Variants in NDUFB7 observed in about 807,000 individuals in gnomAD.
NDUFB7 encodes the protein NADH dehydrogenase [ubiquinone] 1 beta subcomplex subunit 7.
NDUFB7 carries 18 observed loss-of-function variants against 14.7 expected under a neutral mutation model. The ratio of observed to expected loss-of-function variants is 1.22; its 90% CI spans 0.85 to 1.81. The LOEUF (loss-of-function observed/expected upper bound fraction) is 1.81. Among genes scored for constraint, NDUFB7 ranks in the 40% most tolerant of loss-of-function variants. NDUFB7 has a pLI of 0.00. For missense variants in NDUFB7, 219 were observed against 195.0 expected (o/e 1.12, Z -0.73); for synonymous variants, 86 against 76.1 (o/e 1.13, Z -0.68).
At chr19:14,571,762 T>A (rs1299474065) in intron 1 of NDUFB7, 127 bp downstream of exon 1, 4 of 876,632 alleles carry the variant, frequency 4.6e-6, no homozygotes, top group Non-Finnish European at 7.1e-6. Flanking sequence ...GGACTCCTAG[T>A]CTAGACCCAA....
At chr19:14,571,269 C>T (rs967515855) in intron 1 of NDUFB7, among the ~76,000 whole-genome samples, 1 of 152,168 alleles carries the variant, frequency 6.6e-6, no homozygotes, top group African/African-American at 2.4e-5. Context: ...ATGAACGTGT[C>T]CCTGCCCTCC....
intron 2 of NDUFB7, 34 bp downstream of exon 2, chr19:14,566,731 C>T (rs745394310): frequency 2.3e-5 from 35 of 1,510,018 alleles, no homozygotes; most frequent in Middle Eastern, 4.7e-4. Flanking sequence ...GTGTTGCGGG[C>T]CGGGGTGTTG....
rs1196908129 is a variant in NDUFB7, at chr19:14,571,958, C to T, written c.43G>A (p.Val15Met). 3.7e-6 allele frequency: 6 copies of T among 1,611,024 alleles called. No individual in the cohort carries two copies. Among genetic ancestry groups the T allele is most frequent in the Non-Finnish European group, 4.2e-6 (5 of 1,179,108 alleles). Residue 15 changes from valine (V) to methionine (M), a missense_variant, in exon 1 of 3, where the codon GTG becomes ATG. Coordinates refer to ENST00000215565, the MANE Select transcript of NDUFB7 (RefSeq NM_004146.6). ...LVRRYLGDAS[V>M]EPDPLQMPTF... is the part of the protein sequence containing the mutation. ...GGCATCTGCAGGGGGTCGGGCTCCA[C>T]CGAGGCATCGCCCAGGTAGCGCCGG...
chr19:14,568,402 C>T (rs965718304), intron 1 of NDUFB7, among the ~76,000 whole-genome samples: 1 of 152,186 alleles, frequency 6.6e-6, no homozygotes, highest in African/African-American at 2.4e-5. Flanking sequence ...GTGGTCCCTC[C>T]ACCCCACACC....
At chr19:14,569,384 C>CT (rs1568437713) in intron 1 of NDUFB7, among the ~76,000 whole-genome samples, 1 of 152,154 alleles carries the variant, frequency 6.6e-6, no homozygotes, top group Non-Finnish European at 1.5e-5. Flanking sequence ...AACTTCTGGC[C>CT]TTGAGCAATC....
intron 2 of NDUFB7, 103 bp downstream of exon 2, chr19:14,566,662 C>A (rs1373797343): frequency 1.6e-5 from 12 of 732,242 alleles, no homozygotes; most frequent in Non-Finnish European, 2.2e-5. Flanking sequence ...GGGGCTTGGG[C>A]GGGCTGGGCA....
At chr19:14,570,356 C>A (rs181916272) in intron 1 of NDUFB7, among the ~76,000 whole-genome samples, 8 of 152,070 alleles carry the variant, frequency 5.3e-5, no homozygotes, top group Non-Finnish European at 7.4e-5. Flanking sequence ...TGCACCACCA[C>A]GCCCCTGGCT....
chr19:14,566,127 C>A lies in NDUFB7; in HGVS notation c.*6G>T. 1 of 1,607,178 alleles carries A rather than the reference C, an allele frequency of 6.2e-7. No individual in the cohort carries two copies. The highest frequency in any genetic ancestry group is 1.1e-5 in the South Asian group (1 of 90,164). Reference sequence around the variant, plus strand: ...TGACTGGTCCATAGGGTGGGGGGTGCACCCCCTACAGGGCCACCTTGGGGT... The same window carrying A: ...TGACTGGTCCATAGGGTGGGGGGTGAACCCCCTACAGGGCCACCTTGGGGT... On this transcript the variant is annotated 3_prime_UTR_variant, in exon 3 of 3. Transcript: ENST00000215565.
At position 14,566,901 on chromosome 19, in the gene NDUFB7, C is replaced by T. The variant is rs748839912; in HGVS notation, c.145G>A (p.Ala49Thr). Reference protein sequence around the residue: ...MVATQQEMMDAQLRLQLRDYC... With the variant: ...MVATQQEMMDTQLRLQLRDYC... ...TCCCGCAGCTGGAGCCTCAGCTGCGCGTCCATCATCTCCTGCTGTGTGGCC... is the reference window on the plus strand; with the variant it reads ...TCCCGCAGCTGGAGCCTCAGCTGCGTGTCCATCATCTCCTGCTGTGTGGCC... The change falls in exon 2 of 3, where the codon GCG becomes ACG. Residue 49 changes from alanine (A) to threonine (T), a missense_variant. By Grantham distance (58) the Ala-to-Thr change is moderately conservative. Coordinates refer to ENST00000215565, the MANE Select transcript of NDUFB7 (RefSeq NM_004146.6). 70 of 1,584,700 alleles carry T rather than the reference C, an allele frequency of 4.4e-5. No homozygotes were observed. Among genetic ancestry groups the T allele is most frequent in the East Asian group, 3.4e-4 (15 of 43,778 alleles).
At chr19:14,571,149 C>T (rs2074122818) in intron 1 of NDUFB7, among the ~76,000 whole-genome samples, 1 of 152,032 alleles carries the variant, frequency 6.6e-6, no homozygotes, top group Non-Finnish European at 1.5e-5. Flanking sequence ...AGAGCAAGAT[C>T]CCGTCTCAAA....
chr19:14,566,891 C>T lies in NDUFB7; in HGVS notation c.155G>A (p.Arg52Lys). ...GGCGCAGTAGTCCCGCAGCTGGAGC[C>T]TCAGCTGCGCGTCCATCATCTCCTG... ...TQQEMMDAQL[R>K]LQLRDYCAHH... Residue 52 changes from arginine to lysine, a missense_variant, in exon 2 of 3, where the codon AGG (arginine) becomes AAG (lysine). Arg to Lys is a conservative substitution (Grantham distance 26, BLOSUM62 2). Coordinates refer to ENST00000215565, the MANE Select transcript of NDUFB7 (RefSeq NM_004146.6). 1.3e-6 allele frequency: 2 copies of T among 1,582,672 alleles called. No individual in the cohort carries two copies. The highest frequency in any genetic ancestry group is 8.6e-7 in the Non-Finnish European group (1 of 1,167,804).
At position 14,566,128 on chromosome 19, in the gene NDUFB7, A is replaced by G. The variant is rs1326691225; in HGVS notation, c.*5T>C. On this transcript the variant is annotated 3_prime_UTR_variant, in exon 3 of 3. Coordinates refer to ENST00000215565, the MANE Select transcript of NDUFB7 (RefSeq NM_004146.6). ...GACTGGTCCATAGGGTGGGGGGTGC[A>G]CCCCCTACAGGGCCACCTTGGGGTC... 1.9e-6 allele frequency: 3 copies of G among 1,607,310 alleles called. No individual in the cohort carries two copies.
rs952991674 is a variant in NDUFB7, at chr19:14,567,847, C to T, written c.113-914G>A. The stretch of plus-strand genomic sequence containing the variant: ...CTCTCATCCCACTGAGGCCCAGGTC[C>T]TCCTCTCCTGCCCCTTGTCCCATTC... On this transcript the variant is annotated intron_variant, in intron 1 of 2. Coordinates refer to ENST00000215565, the MANE Select transcript of NDUFB7 (RefSeq NM_004146.6). The surrounding 1 kb of genome is among the most constrained non-coding windows in gnomAD (Gnocchi z 5.1). Among the ~76,000 whole-genome samples, 1 of 152,184 alleles carries T rather than the reference C, an allele frequency of 6.6e-6. No homozygotes were observed. Among genetic ancestry groups the T allele is most frequent in the Non-Finnish European group, 1.5e-5 (1 of 68,046 alleles).
At chr19:14,568,368 G>T (rs367594863) in intron 1 of NDUFB7, among the ~76,000 whole-genome samples, 1 of 152,026 alleles carries the variant, frequency 6.6e-6, no homozygotes, top group African/African-American at 2.4e-5. Flanking sequence ...CTCTGCTGCC[G>T]CCCCGTATGT....
chr19:14,571,055 G>A (rs1334091306), intron 1 of NDUFB7, among the ~76,000 whole-genome samples: 2 of 152,092 alleles, frequency 1.3e-5, no homozygotes, highest in African/African-American at 4.8e-5. Context: ...CTACTCGGGA[G>A]GCTGAGGCGG....
Position 14,566,813 on chromosome 19 carries a change from AG to A in NDUFB7, c.232del (p.Leu78TrpfsTer19), listed in dbSNP as rs1331895505. On this transcript the variant is annotated frameshift_variant, in exon 2 of 3. Transcript: ENST00000215565. LOFTEE classifies it high-confidence loss of function. ...GTCGTGCCGCTCCTGCTTGCAGGCC[AG>A]GAAGTTGGGGAAGCTGTCACGCTTG... ...KCKRDSFPNFLACKQERHDWD... is the reference protein window; with the variant it reads ...KCKRDSFPNFXACKQERHDWD... The A allele has an allele frequency of 1.9e-6, 3 of 1,548,874 alleles. No homozygotes were observed. Among genetic ancestry groups the A allele is most frequent in the Admixed American group, 2.0e-5 (1 of 51,092 alleles).
At chr19:14,569,559 A>G (rs2074112708) in intron 1 of NDUFB7, among the ~76,000 whole-genome samples, 1 of 152,144 alleles carries the variant, frequency 6.6e-6, no homozygotes, top group South Asian at 2.1e-4. Context: ...AGCAAGAGAG[A>G]AGGGCAGCAG....
At chr19:14,569,046 G>A (rs528133210) in intron 1 of NDUFB7, among the ~76,000 whole-genome samples, 2 of 152,172 alleles carry the variant, frequency 1.3e-5, no homozygotes, top group East Asian at 1.9e-4. Flanking sequence ...GTGGTGGCAC[G>A]CACCTGTAAT....
chr19:14,566,114 A>G lies in NDUFB7; in HGVS notation c.*19T>C. 1.2e-6 allele frequency: 2 copies of G among 1,602,822 alleles called. No homozygotes were observed. The highest frequency in any genetic ancestry group is 1.7e-6 in the Non-Finnish European group (2 of 1,174,498). On this transcript the variant is annotated 3_prime_UTR_variant, in exon 3 of 3. Coordinates refer to ENST00000215565, the MANE Select transcript of NDUFB7 (RefSeq NM_004146.6). ...GAAGGCTTTTATTTGACTGGTCCATAGGGTGGGGGGTGCACCCCCTACAGG... is the reference window on the plus strand; with the variant it reads ...GAAGGCTTTTATTTGACTGGTCCATGGGGTGGGGGGTGCACCCCCTACAGG...
Sources: allele counts gnomAD v4.1 joint callset (sites outside exome capture counted in the v4.1 genomes callset), GRCh38; gene constraint gnomAD v4.1.1; non-coding constraint Gnocchi (gnomAD v3.1); transcripts MANE v1.5; gene names NCBI Gene and HGNC (gene_info 2026-07-23, HGNC 2026-07-21).